Variants in DZIP1 observed in about 807,000 individuals in gnomAD.
DZIP1 encodes the protein DAZ interacting zinc finger protein 1, also known as cilium assembly protein DZIP1.
In DZIP1, 97 loss-of-function variants were observed where a neutral mutation model predicts 107.6. The ratio of observed to expected loss-of-function variants is 0.90; its 90% CI spans 0.77 to 1.07. The LOEUF (loss-of-function observed/expected upper bound fraction) is 1.07. DZIP1 is among the 50% of genes least tolerant of loss of function. The pLI is 0.00. For missense variants in DZIP1, 1,035 were observed against 1,063.6 expected (o/e 0.97, Z 0.37); for synonymous variants, 390 against 386.4 (o/e 1.01, Z -0.11).
intron 14 of DZIP1, among the ~76,000 whole-genome samples, chr13:95,605,124 A>T (rs1299169273): frequency 2.0e-5 from 3 of 152,236 alleles, no homozygotes; most frequent in Admixed American, 6.5e-5. Context: ...AGTAAAAAGG[A>T]TTATTACTAA....
At chr13:95,593,293 T>C (rs1486026981) in intron 16 of DZIP1, among the ~76,000 whole-genome samples, 1 of 152,168 alleles carries the variant, frequency 6.6e-6, no homozygotes, top group Non-Finnish European at 1.5e-5. Flanking sequence ...ACATACACAC[T>C]ATACACATCC....
Position 95,587,594 on chromosome 13 carries a change from C to A in DZIP1, c.2163G>T (p.Ala721=), listed in dbSNP as rs1221629526. The change falls in exon 20 of 23, where the codon GCG becomes GCT. Residue 721 remains alanine, a synonymous_variant. Transcript: ENST00000376829. ...CGATTTCGCTTCCCTCGGTCCCGTC[C>A]GCGTCACTTTTCACTGTGTTCTTCC... The part of the protein sequence containing the change: ...SFGKNTVKSD[A]DGTEGSEIED... The A allele has an allele frequency of 6.2e-7, 1 of 1,613,926 alleles. No individual in the cohort carries two copies. The highest frequency in any genetic ancestry group is 1.7e-5 in the Admixed American group (1 of 59,988).
chr13:95,622,736 G>T (rs542804809), intron 8 of DZIP1, among the ~76,000 whole-genome samples: 1 of 145,972 alleles, frequency 6.9e-6, no homozygotes, highest in Non-Finnish European at 1.5e-5. Context: ...AATCTTAAAC[G>T]AGTCTAATTT....
rs762615724 is a variant in DZIP1, at chr13:95,584,742, C to T, written c.2518G>A (p.Gly840Arg). Residue 840 changes from glycine (G) to arginine (R), a missense_variant, in exon 22 of 23, where the codon GGA (glycine) becomes AGA (arginine). Coordinates refer to ENST00000376829, the MANE Select transcript of DZIP1 (RefSeq NM_198968.4). ...WGAFNPKGPKGEGLQENESST... is the reference protein window; with the variant it reads ...WGAFNPKGPKREGLQENESST... ...AGAGGGGAAAGCAGCAAACCTTCTC[C>T]CTTTGGCCCCTTAGGATTAAATGCG... The T allele has an allele frequency of 3.1e-6, 5 of 1,612,562 alleles. No individual in the cohort carries two copies. The highest frequency in any genetic ancestry group is 2.7e-5 in the African/African-American group (2 of 74,806).
At chr13:95,591,565 A>G (rs1283910293) in intron 16 of DZIP1, among the ~76,000 whole-genome samples, 2 of 152,040 alleles carry the variant, frequency 1.3e-5, no homozygotes, top group Non-Finnish European at 2.9e-5. Flanking sequence ...AGAAATCTCC[A>G]TCATCAAATT....
chr13:95,584,614 A>G lies in DZIP1; in HGVS notation c.2524+122T>C, dbSNP rs2044104512. ...CAATCCTTATTTAAATAACATAAAGAAAGCACTGACAGCTTTTTTGTCTGA... is the reference window on the plus strand; with the variant it reads ...CAATCCTTATTTAAATAACATAAAGGAAGCACTGACAGCTTTTTTGTCTGA... On this transcript the variant is annotated intron_variant, in intron 22 of 22. Coordinates refer to ENST00000376829, the MANE Select transcript of DZIP1 (RefSeq NM_198968.4). 2.1e-6 allele frequency: 3 copies of G among 1,463,366 alleles called. No homozygotes were observed. In the Admixed American group the frequency reaches 7.2e-5, roughly 35 times the overall value. The allele number at this position is 1,463,366 out of a possible 1,614,324, so 90.6% of individuals were successfully genotyped here.
At chr13:95,622,252 A>C in intron 9 of DZIP1, 91 bp downstream of exon 9, 2 of 1,542,990 alleles carry the variant, frequency 1.3e-6, no homozygotes, top group Non-Finnish European at 1.8e-6. Flanking sequence ...TAAAAAAGAC[A>C]AACACTTTTT....
chr13:95,592,644 A>T (rs751115101), intron 16 of DZIP1, among the ~76,000 whole-genome samples: 10 of 152,210 alleles, frequency 6.6e-5, no homozygotes, highest in Non-Finnish European at 1.5e-4. Flanking sequence ...ATATATATTC[A>T]AGAAAAAGAA....
chr13:95,611,809 A>T (rs1369740904), intron 11 of DZIP1, among the ~76,000 whole-genome samples: 1 of 152,196 alleles, frequency 6.6e-6, no homozygotes. Flanking sequence ...CTTACCTTCA[A>T]ATCAAATTAA....
chr13:95,587,231 C>T lies in DZIP1; in HGVS notation c.2218+308G>A, dbSNP rs1566359808. On this transcript the variant is annotated intron_variant, in intron 20 of 22. Coordinates refer to ENST00000376829, the MANE Select transcript of DZIP1 (RefSeq NM_198968.4). ...CCCTCACAGGAACCAACAGCGCCAA[C>T]ACCTTGATCTTGTACTTCCAGCCTC... Among the ~76,000 whole-genome samples, 5 of 152,294 alleles carry T rather than the reference C, an allele frequency of 3.3e-5. No homozygotes were observed. In the South Asian group the frequency reaches 1.0e-3, roughly 32 times the overall value.
intron 6 of DZIP1, 149 bp from the exon 7 acceptor site, chr13:95,630,262 G>T: frequency 2.0e-6 from 2 of 979,636 alleles, no homozygotes; most frequent in Non-Finnish European, 2.9e-6. Flanking sequence ...GCCAATTTTT[G>T]CTCTTTAGTT....
At chr13:95,631,635 C>T (rs1211179873) in intron 6 of DZIP1, among the ~76,000 whole-genome samples, 2 of 152,124 alleles carry the variant, frequency 1.3e-5, no homozygotes, top group South Asian at 2.1e-4. Flanking sequence ...GTCCCCTCCC[C>T]TCTCTTGCGT....
chr13:95,614,701 C>T (rs960853448), intron 10 of DZIP1, among the ~76,000 whole-genome samples: 2 of 152,174 alleles, frequency 1.3e-5, no homozygotes, highest in African/African-American at 4.8e-5. Context: ...TACTGGCCCA[C>T]ATCACCCCAT....
At chr13:95,592,880 G>T (rs1462400029) in intron 16 of DZIP1, among the ~76,000 whole-genome samples, 1 of 152,178 alleles carries the variant, frequency 6.6e-6, no homozygotes, top group Non-Finnish European at 1.5e-5. Flanking sequence ...ATTACACAGT[G>T]TATGACTCCA....
intron 12 of DZIP1, among the ~76,000 whole-genome samples, chr13:95,610,223 C>G (rs775078779): frequency 1.8e-4 from 28 of 151,920 alleles, no homozygotes; most frequent in Admixed American, 6.6e-5. Flanking sequence ...TCCCATTAAA[C>G]TTAGAACAAA....
At chr13:95,592,897 T>A (rs1044566135) in intron 16 of DZIP1, among the ~76,000 whole-genome samples, 1 of 152,234 alleles carries the variant, frequency 6.6e-6, no homozygotes, top group Non-Finnish European at 1.5e-5. Context: ...TCCACTTTTA[T>A]GAGGTTCAAG....
rs2045029307 is a variant in DZIP1, at chr13:95,612,100, C to A, written c.1251G>T (p.Arg417Ser). Residue 417 changes from arginine (R) to serine (S), a missense_variant, in exon 11 of 23, where the codon AGG (arginine) becomes AGT (serine). By Grantham distance (110) the Arg-to-Ser change is moderately radical. Transcript: ENST00000376829. ...LNASNVFYKK[R>S]IEELGQRLQE... ...GGAGTCTCTGCCCTAGCTCTTCTAT[C>A]CTTTTCTTATAGAAAACATTGCTTG... 1.9e-6 allele frequency: 3 copies of A among 1,613,798 alleles called. No homozygotes were observed. Among genetic ancestry groups the A allele is most frequent in the Non-Finnish European group, 2.5e-6 (3 of 1,180,020 alleles).
intron 3 of DZIP1, among the ~76,000 whole-genome samples, chr13:95,642,762 G>GT (rs1878684829): frequency 6.6e-6 from 1 of 152,122 alleles, no homozygotes; most frequent in Admixed American, 6.5e-5. Flanking sequence ...CAATAAAGTT[G>GT]TTTTTTAAAT....
rs533373095 is a variant in DZIP1 at position 95,578,650 on chromosome 13, T to C, written c.*3584A>G. ...CACATGCCCATGGCCACTCAGTAGA[T>C]TGTTGAAAAAGCAAAGCCACACCAT... On this transcript the variant is annotated 3_prime_UTR_variant, in exon 23 of 23. Coordinates refer to ENST00000376829, the MANE Select transcript of DZIP1 (RefSeq NM_198968.4). The C allele has an allele frequency of 5.9e-5, 9 of 152,340 alleles. No homozygotes were observed. Among genetic ancestry groups the C allele is most frequent in the African/African-American group, 1.7e-4 (7 of 41,568 alleles). The allele number at this position is 152,340 out of a possible 1,614,324, so 9.4% of individuals were successfully genotyped here. A position where few individuals can be genotyped will look rare whatever the true frequency, so the allele number is the denominator to read the frequency against.
Sources: allele counts gnomAD v4.1 joint callset (sites outside exome capture counted in the v4.1 genomes callset), GRCh38; gene constraint gnomAD v4.1.1; transcripts MANE v1.5; gene names NCBI Gene and HGNC (gene_info 2026-07-23, HGNC 2026-07-21).